Variants in LMNB2 observed in about 807,000 individuals in gnomAD.
LMNB2 encodes the protein lamin B2, also known as lamin-B2.
In LMNB2, 17 loss-of-function variants were observed where a neutral mutation model predicts 69.3. That is an observed-to-expected ratio of 0.25 (90% CI 0.17 to 0.37). The LOEUF is 0.37. LMNB2 is among the 10% of genes least tolerant of loss of function. LMNB2 has a pLI of 1.00. For missense variants in LMNB2, 789 were observed against 883.6 expected (o/e 0.89, Z 1.36); for synonymous variants, 397 against 389.3 (o/e 1.02, Z -0.23).
intron 1 of LMNB2, among the ~76,000 whole-genome samples, chr19:2,448,047 C>T (rs1464581800): frequency 2.0e-5 from 3 of 152,182 alleles, no homozygotes; most frequent in Admixed American, 6.5e-5. Flanking sequence ...AATTGTAGGA[C>T]GGGGACCCAC....
chr19:2,438,310 G>A (rs1002278102), intron 3 of LMNB2, 22 bp from the exon 4 acceptor site: 5 of 1,613,854 alleles, frequency 3.1e-6, no homozygotes, highest in Non-Finnish European at 4.2e-6. Context: ...AGGACAGCGA[G>A]CTGGTGTGAC....
rs1599333676 is a variant in LMNB2, at chr19:2,436,677, C to CCGCG, written c.684+1485_684+1486insCGCG. ...CACGGCCGCCCTCTCGCCTCCACGG[C>CCGCG]CACCCTCCCGCCACCACGGCCGCGC... On this transcript the variant is annotated intron_variant, in intron 4 of 11. Transcript: ENST00000325327. 4.6e-5 allele frequency: 7 copies of CCGCG among 150,976 alleles called. No homozygotes were observed. In the East Asian group the frequency reaches 1.5e-3, roughly 32 times the overall value. 9.4% of individuals were successfully genotyped at this position (150,976 alleles called of 1,614,324 possible).
In LMNB2 at chr19:2,431,535, A is replaced by G. The variant is rs1344139430; in HGVS notation, c.1821+13T>C. 1.2e-6 allele frequency: 2 copies of G among 1,613,882 alleles called. No homozygotes were observed. Among genetic ancestry groups the G allele is most frequent in the African/African-American group, 2.7e-5 (2 of 74,932 alleles). On this transcript the variant is annotated intron_variant, in intron 11 of 11. Transcript: ENST00000325327. ...GGCTGCCCCCCAGCCGCAAGTGGGC[A>G]CAGGGGTCCTACCTGTTGGTGGAAA...
intron 10 of LMNB2, 52 bp from the exon 11 acceptor site, chr19:2,431,710 T>C: frequency 6.2e-7 from 1 of 1,613,838 alleles, no homozygotes; most frequent in Non-Finnish European, 8.5e-7. Flanking sequence ...CCAGAGCTGC[T>C]GTGGCGGCCC....
intron 2 of LMNB2, among the ~76,000 whole-genome samples, chr19:2,441,226 G>A (rs757542145): frequency 7.2e-5 from 11 of 152,246 alleles, no homozygotes; most frequent in East Asian, 1.9e-4. Context: ...CATCCGTGCC[G>A]GGTACCCTGA....
Position 2,431,863 on chromosome 19 carries a change from A to G in LMNB2, c.1630T>C (p.Ser544Pro). ...CTCTGGCCCTTCCACACCAGCGTCG[A>G]GGGGGGGCTGTGGGCCACCCCCGCA... Reference protein sequence around the residue: ...AGAGVAHSPPSTLVWKGQSSW... With the variant: ...AGAGVAHSPPPTLVWKGQSSW... The change falls in exon 10 of 12, where the codon TCG (serine) becomes CCG (proline). Residue 544 changes from serine (S) to proline (P), a missense_variant. By Grantham distance (74) the Ser-to-Pro change is moderately conservative. Coordinates refer to ENST00000325327, the MANE Select transcript of LMNB2 (RefSeq NM_032737.4). 6.2e-7 allele frequency: 1 copy of G among 1,613,028 alleles called. No homozygotes were observed.
At position 2,434,836 on chromosome 19, in the gene LMNB2, G is replaced by T; in HGVS notation, c.933C>A (p.Arg311=). Residue 311 remains arginine, a synonymous_variant, in exon 6 of 12, where the codon CGC becomes CGA. Transcript: ENST00000325327. ...SAAREELKEA[R]MRLESLSYQL... ...GGTAGCTGAGGGACTCCAGGCGCAT[G>T]CGGGCCTCCTTCAGCTCCTCGCGAG... 6.2e-7 allele frequency: 1 copy of T among 1,608,986 alleles called. No homozygotes were observed. The highest frequency in any genetic ancestry group is 8.5e-7 in the Non-Finnish European group (1 of 1,179,252).
At chr19:2,440,488 C>G (rs1971885577) in intron 2 of LMNB2, among the ~76,000 whole-genome samples, 1 of 152,218 alleles carries the variant, frequency 6.6e-6, no homozygotes, top group African/African-American at 2.4e-5. Context: ...CCGCACCCAG[C>G]CTTACAGATA....
intron 2 of LMNB2, among the ~76,000 whole-genome samples, chr19:2,439,980 G>A (rs1971876384): frequency 1.3e-5 from 2 of 151,924 alleles, no homozygotes; most frequent in Non-Finnish European, 2.9e-5. Context: ...TGATCTGCCC[G>A]CCTCGGCCTC....
At chr19:2,444,155 C>T (rs913098348) in intron 2 of LMNB2, among the ~76,000 whole-genome samples, 3 of 152,336 alleles carry the variant, frequency 2.0e-5, no homozygotes, top group Middle Eastern at 3.4e-3. Flanking sequence ...TGGGGAGGCT[C>T]GCGGGAGATT....
At chr19:2,432,035 T>C in intron 9 of LMNB2, 133 bp from the exon 10 acceptor site, 4 of 1,178,436 alleles carry the variant, frequency 3.4e-6, no homozygotes, top group Non-Finnish European at 4.7e-6. Flanking sequence ...CGCAGGCTTA[T>C]CCAGGGTGAT....
intron 1 of LMNB2, among the ~76,000 whole-genome samples, chr19:2,452,792 C>T (rs965438363): frequency 5.3e-5 from 8 of 152,098 alleles, no homozygotes; most frequent in Admixed American, 2.6e-4. Context: ...TGCTGTGAGT[C>T]GTGTTATGAG....
Position 2,438,181 on chromosome 19 carries a change from C to A in LMNB2, c.666G>T (p.Arg222=). The part of the protein sequence containing the change: ...CQSLQEELDF[R]KSVFEEEVRE... ...CACTCACCTCCTCGAACACACTCTT[C>A]CGGAAGTCCAGCTCCTCCTGCAGGC... Residue 222 remains arginine, a synonymous_variant, in exon 4 of 12, where the codon CGG becomes CGT. Coordinates refer to ENST00000325327, the MANE Select transcript of LMNB2 (RefSeq NM_032737.4). 6.2e-7 allele frequency: 1 copy of A among 1,614,042 alleles called. No individual in the cohort carries two copies. Among genetic ancestry groups the A allele is most frequent in the Middle Eastern group, 1.6e-4 (1 of 6,062 alleles).
chr19:2,450,119 C>CATATACATATACATATACATAT (rs768767651), intron 1 of LMNB2, among the ~76,000 whole-genome samples: 3 of 135,334 alleles, frequency 2.2e-5, no homozygotes, highest in Admixed American at 7.1e-5. Context: ...TATATATATA[C>CATATACATATACATATACATAT]ACATATATAT....
intron 1 of LMNB2, among the ~76,000 whole-genome samples, chr19:2,448,503 GCA>G (rs1355602855): frequency 2.6e-5 from 4 of 152,186 alleles, no homozygotes; most frequent in African/African-American, 9.7e-5. Context: ...GCAGCCACAC[GCA>G]CAGAGGCATG....
At chr19:2,454,493 T>C (rs1972066990) in intron 1 of LMNB2, among the ~76,000 whole-genome samples, 1 of 151,804 alleles carries the variant, frequency 6.6e-6, no homozygotes, top group South Asian at 2.1e-4. Flanking sequence ...GTATTATAAT[T>C]ACACCCATTC....
At chr19:2,436,676 G>GCCGCCCTCCCGCCT in intron 4 of LMNB2, 2 of 143,386 alleles carry the variant, frequency 1.4e-5, no homozygotes, top group African/African-American at 5.4e-5. Context: ...CGCCTCCACG[G>GCCGCCCTCCCGCCT]CCACCCTCCC....
rs56781086 is a variant in LMNB2, at chr19:2,435,817, CA to C, written c.685-647del. On this transcript the variant is annotated intron_variant, in intron 4 of 11. Transcript: ENST00000325327. The stretch of plus-strand genomic sequence containing the variant: ...TGGGTAACAAAGTGAGACTGCGTCT[CA>C]AAAAAAAAAAAAGTGACTCTCTCTT... Among the ~76,000 whole-genome samples, 516 of 132,176 alleles carry C rather than the reference CA, an allele frequency of 3.9e-3. 4 individuals carry two copies. The highest frequency in any genetic ancestry group is 8.2e-3 in the African/African-American group (295 of 35,904). The allele number at this position is 132,176 out of a possible 152,430, so 86.7% of individuals were successfully genotyped here. A position where few individuals can be genotyped will look rare whatever the true frequency, so the allele number is the denominator to read the frequency against.
At chr19:2,454,459 GC>G (rs1337459291) in intron 1 of LMNB2, among the ~76,000 whole-genome samples, 1 of 151,968 alleles carries the variant, frequency 6.6e-6, no homozygotes, top group East Asian at 1.9e-4. Flanking sequence ...ACCTGCTGTG[GC>G]CCCACACACA....
Sources: allele counts gnomAD v4.1 joint callset (sites outside exome capture counted in the v4.1 genomes callset), GRCh38; gene constraint gnomAD v4.1.1; transcripts MANE v1.5; gene names NCBI Gene and HGNC (gene_info 2026-07-23, HGNC 2026-07-21).